Variants in ATRNL1 observed in about 807,000 individuals in gnomAD.
The protein encoded by ATRNL1 is attractin like 1, also known as attractin-like protein 1.
ATRNL1 carries 95 observed loss-of-function variants against 182.7 expected under a neutral mutation model. The observed-to-expected ratio is 0.52, with a 90% CI of 0.44 to 0.62. ATRNL1 has a LOEUF of 0.62. ATRNL1 is among the 20% of genes least tolerant of loss of function. The probability of loss-of-function intolerance (pLI) is 0.00; values close to 1 mark genes in which losing one functional copy is unlikely to be tolerated. For missense variants in ATRNL1, 1,471 were observed against 1,679.5 expected (o/e 0.88, Z 2.17); for synonymous variants, 576 against 568.3 (o/e 1.01, Z -0.19).
chr10:115,905,403 T>A (rs1952473174), intron 28 of ATRNL1, among the ~76,000 whole-genome samples: 1 of 150,946 alleles, frequency 6.6e-6, no homozygotes, highest in Non-Finnish European at 1.5e-5. Flanking sequence ...TTTTTTTTTT[T>A]AAGTTTTGTA....
At chr10:115,507,701 G>T (rs77045480) in intron 24 of ATRNL1, among the ~76,000 whole-genome samples, 3,508 of 152,158 alleles carry the variant, frequency 0.023, 72 homozygotes, top group Non-Finnish European at 0.035. Context: ...CACAGTGCCT[G>T]GGAAATAGTA....
chr10:115,593,393 A>G (rs1856031952), intron 26 of ATRNL1, among the ~76,000 whole-genome samples: 1 of 152,244 alleles, frequency 6.6e-6, no homozygotes, highest in Non-Finnish European at 1.5e-5. Context: ...ACAAAAGCAG[A>G]AATATAGACC....
At chr10:115,194,341 T>C (rs1308290376) in intron 8 of ATRNL1, among the ~76,000 whole-genome samples, 1 of 152,064 alleles carries the variant, frequency 6.6e-6, no homozygotes, top group African/African-American at 2.4e-5. Context: ...TCTTTTTAGA[T>C]CTAATAATGT....
At chr10:115,893,964 CA>C (rs533688825) in intron 28 of ATRNL1, among the ~76,000 whole-genome samples, 217 of 139,528 alleles carry the variant, frequency 1.6e-3, no homozygotes, top group South Asian at 0.013. Flanking sequence ...AAGAATGGAC[CA>C]AAAAAAAAAA....
intron 26 of ATRNL1, among the ~76,000 whole-genome samples, chr10:115,690,766 T>G (rs1194748160): frequency 6.6e-6 from 1 of 152,174 alleles, no homozygotes; most frequent in African/African-American, 2.4e-5. Context: ...TGCTTAGGTC[T>G]TGGCAGGGAC....
At position 115,549,454 on chromosome 10, in the gene ATRNL1, C is replaced by T; in HGVS notation, c.3717-4C>T. The T allele has an allele frequency of 1.3e-6, 2 of 1,581,866 alleles. No homozygotes were observed. The highest frequency in any genetic ancestry group is 1.7e-6 in the Non-Finnish European group (2 of 1,164,486). ...GCAAAAATTATTTGTGTTTTATTTT[C>T]CAGTTGTTTCCTATCCTTATTGCTG... On this transcript the variant is annotated splice_region_variant and splice_polypyrimidine_tract_variant and intron_variant, in intron 25 of 28. Transcript: ENST00000355044.
At position 115,127,718 on chromosome 10, in the gene ATRNL1, A is replaced by T; in HGVS notation, c.617A>T (p.Tyr206Phe). 1 of 1,416,760 alleles carries T rather than the reference A, an allele frequency of 7.1e-7. No individual in the cohort carries two copies. Among genetic ancestry groups the T allele is most frequent in the Non-Finnish European group, 9.3e-7 (1 of 1,077,316 alleles). 87.8% of individuals were successfully genotyped at this position (1,416,760 alleles called of 1,614,324 possible). ...AYNLTGFNIF[Y>F]SINSCPNNCS... ...AATCTAACTGGTTTCAACATTTTCT[A>T]TTCGTAAGTATTTTTTAAAAATTCC... The change falls in exon 4 of 29, where the codon TAT becomes TTT. Residue 206 changes from tyrosine to phenylalanine, a missense_variant. Physicochemically the swap from Tyr to Phe is conservative, Grantham distance 22. Coordinates refer to ENST00000355044, the MANE Select transcript of ATRNL1 (RefSeq NM_207303.4).
chr10:115,798,301 T>C (rs1281249777), intron 27 of ATRNL1, among the ~76,000 whole-genome samples: 1 of 152,146 alleles, frequency 6.6e-6, no homozygotes, highest in Admixed American at 6.5e-5. Flanking sequence ...CCACCTTCTC[T>C]TTTCCAAATT....
chr10:115,431,833 A>AT (rs1253153672), intron 21 of ATRNL1, among the ~76,000 whole-genome samples: 3 of 151,292 alleles, frequency 2.0e-5, no homozygotes, highest in African/African-American at 4.9e-5. Context: ...TTTTATAGGG[A>AT]TTTTTTTCTT....
At chr10:115,356,442 A>T (rs189445935) in intron 19 of ATRNL1, among the ~76,000 whole-genome samples, 87 of 152,150 alleles carry the variant, frequency 5.7e-4, no homozygotes, top group African/African-American at 2.0e-3. Flanking sequence ...AAGAGAGGCC[A>T]TCCTTTTGAG....
At chr10:115,788,507 A>G (rs1353808163) in intron 27 of ATRNL1, among the ~76,000 whole-genome samples, 2 of 152,202 alleles carry the variant, frequency 1.3e-5, no homozygotes, top group African/African-American at 4.8e-5. Flanking sequence ...TGTTCTCTCA[A>G]ATGGCTAATT....
chr10:115,658,130 C>G, intron 26 of ATRNL1, among the ~76,000 whole-genome samples: 1 of 109,426 alleles, frequency 9.1e-6, no homozygotes, highest in Non-Finnish European at 1.7e-5. Context: ...GAGTCTCGCT[C>G]TGTCGCCCAG....
At position 115,772,597 on chromosome 10, in the gene ATRNL1, CTGTGTG is replaced by C. The variant is rs57939999; in HGVS notation, c.3903+45272_3903+45277del. On this transcript the variant is annotated intron_variant, in intron 27 of 28. Transcript: ENST00000355044. Reference sequence around the variant, plus strand: ...TAAATATACAAAATATATACTCTGTCTGTGTGTGTGTGTGTGTGTGTGTGTGTGTGT... The same window carrying C: ...TAAATATACAAAATATATACTCTGTCTGTGTGTGTGTGTGTGTGTGTGTGT... 6.0e-3 allele frequency among the ~76,000 whole-genome samples: 847 copies of C among 140,390 alleles called. 12 individuals carry two copies. Among genetic ancestry groups the C allele is most frequent in the African/African-American group, 0.02 (767 of 38,042 alleles). 92.1% of individuals were successfully genotyped at this position (140,390 alleles called of 152,430 possible). A position where few individuals can be genotyped will look rare whatever the true frequency, so the allele number is the denominator to read the frequency against.
chr10:115,178,918 CT>C (rs35517238), intron 8 of ATRNL1, among the ~76,000 whole-genome samples: 4 of 151,252 alleles, frequency 2.6e-5, no homozygotes, highest in South Asian at 2.1e-4. Flanking sequence ...TATAGGTACT[CT>C]TTTTTTTTCT....
At chr10:115,811,828 G>T (rs1283956985) in intron 27 of ATRNL1, among the ~76,000 whole-genome samples, 10 of 151,042 alleles carry the variant, frequency 6.6e-5, no homozygotes, top group Admixed American at 6.6e-5. Context: ...AACATTTTTA[G>T]ATTTCTTTTT....
intron 21 of ATRNL1, among the ~76,000 whole-genome samples, chr10:115,442,127 C>T (rs1049040190): frequency 1.3e-5 from 2 of 152,006 alleles, no homozygotes; most frequent in Non-Finnish European, 2.9e-5. Context: ...CACTACCCAG[C>T]TTGAGATCTT....
chr10:115,639,818 T>C (rs1859120041), intron 26 of ATRNL1, among the ~76,000 whole-genome samples: 1 of 152,018 alleles, frequency 6.6e-6, no homozygotes, highest in South Asian at 2.1e-4. Flanking sequence ...ATTTTTTTGA[T>C]TATACTTTAA....
intron 19 of ATRNL1, among the ~76,000 whole-genome samples, chr10:115,389,538 G>GTATATATATATATATATGTATATATA (rs1270489896): frequency 5.8e-5 from 3 of 51,414 alleles, no homozygotes; most frequent in African/African-American, 3.0e-4. Context: ...AAATGTGTAT[G>GTATATATATATATATATGTATATATA]TGTATATATA....
chr10:115,183,296 A>C (rs1411227342), intron 8 of ATRNL1, among the ~76,000 whole-genome samples: 1 of 151,600 alleles, frequency 6.6e-6, no homozygotes, highest in Non-Finnish European at 1.5e-5. Context: ...CCACATTCCC[A>C]ATTCAAAAAG....
Sources: gnomAD v4.1 joint callset for allele counts (sites outside exome capture counted in the v4.1 genomes callset) on GRCh38, gnomAD v4.1.1 for gene constraint, MANE v1.5 for transcripts, NCBI Gene and HGNC (gene_info 2026-07-23, HGNC 2026-07-21) for gene names.